Variants in ALK observed in about 807,000 individuals in gnomAD.
The protein encoded by ALK is ALK tyrosine kinase receptor.
Under a neutral mutation model 163.1 loss-of-function variants are expected in ALK, and 74 were observed. The ratio of observed to expected loss-of-function variants is 0.45; its 90% confidence interval spans 0.38 to 0.55. The LOEUF is 0.55. Among genes scored for constraint, ALK ranks in the 20% least tolerant of loss-of-function variants. The probability of loss-of-function intolerance (pLI) is 0.00; values close to 1 mark genes in which losing one functional copy is unlikely to be tolerated. For synonymous variants in ALK, 960 were observed against 843.2 expected, an observed-to-expected ratio of 1.14 and a Z score of -2.40; for missense variants, 2,063 against 2,105.3, an observed-to-expected ratio of 0.98 and a Z score of 0.39.
At chr2:29,209,680 T>G (rs1669410877) in intron 25 of ALK, 106 bp downstream of exon 25, 2 of 804,304 alleles carry the variant, frequency 2.5e-6, no homozygotes, top group Non-Finnish European at 4.1e-6. Flanking sequence ...GGTAGAAAGT[T>G]GACAGGGTAC....
intron 22 of ALK, 100 bp from the exon 23 acceptor site, chr2:29,220,935 A>G (rs1162237171): frequency 6.5e-7 from 1 of 1,529,528 alleles, no homozygotes. Context: ...TTCAGCAGCT[A>G]CAATGTATAA....
At chr2:29,811,909 G>T (rs1311572894) in intron 1 of ALK, among the ~76,000 whole-genome samples, 1 of 152,148 alleles carries the variant, frequency 6.6e-6, no homozygotes, top group Non-Finnish European at 1.5e-5. Flanking sequence ...CAAAGCTATG[G>T]CACAATTAGA....
chr2:29,413,318 T>C (rs971806958), intron 4 of ALK, among the ~76,000 whole-genome samples: 21 of 152,214 alleles, frequency 1.4e-4, no homozygotes, highest in East Asian at 5.8e-4. Context: ...AAAATAATAA[T>C]AAAAGTATAG....
intron 15 of ALK, among the ~76,000 whole-genome samples, chr2:29,231,330 C>T (rs1292613932): frequency 1.3e-5 from 2 of 152,096 alleles, no homozygotes; most frequent in Non-Finnish European, 2.9e-5. Flanking sequence ...AGCGAGACTC[C>T]GTCTCAAAAA....
intron 1 of ALK, among the ~76,000 whole-genome samples, chr2:29,755,465 C>G (rs969490280): frequency 1.3e-5 from 2 of 152,224 alleles, no homozygotes; most frequent in African/African-American, 4.8e-5. Context: ...CCTATTTCTG[C>G]AGACTATCTC....
intron 1 of ALK, among the ~76,000 whole-genome samples, chr2:29,895,616 G>A (rs1450175379): frequency 2.6e-5 from 4 of 152,204 alleles, no homozygotes; most frequent in African/African-American, 7.2e-5. Flanking sequence ...TTTTAAATGA[G>A]TGTTGCATGA....
chr2:29,324,473 A>C (rs1667187385), intron 6 of ALK, among the ~76,000 whole-genome samples: 1 of 152,182 alleles, frequency 6.6e-6, no homozygotes, highest in Non-Finnish European at 1.5e-5. Flanking sequence ...TCTTGTGTAC[A>C]TTTCTAGATT....
At chr2:29,587,303 C>T (rs543975786) in intron 3 of ALK, among the ~76,000 whole-genome samples, 4 of 152,212 alleles carry the variant, frequency 2.6e-5, no homozygotes, top group Non-Finnish European at 4.4e-5. Context: ...GTCCTGATCT[C>T]CCATACAAAT....
chr2:29,577,629 A>T (rs891637357), intron 3 of ALK, among the ~76,000 whole-genome samples: 1 of 146,570 alleles, frequency 6.8e-6, no homozygotes, highest in East Asian at 2.1e-4. Flanking sequence ...ATCACTGCCC[A>T]TCATGGGACC....
chr2:29,625,414 T>C (rs1364988913), intron 3 of ALK, among the ~76,000 whole-genome samples: 1 of 152,216 alleles, frequency 6.6e-6, no homozygotes. Flanking sequence ...AAATCAAATG[T>C]TACCATTTGC....
At chr2:29,433,561 T>C (rs1245767931) in intron 4 of ALK, among the ~76,000 whole-genome samples, 1 of 152,234 alleles carries the variant, frequency 6.6e-6, no homozygotes, top group Non-Finnish European at 1.5e-5. Context: ...AATGTATCTC[T>C]TTCCTCTTTA....
At chr2:29,431,612 C>T (rs1197255388) in intron 4 of ALK, among the ~76,000 whole-genome samples, 1 of 152,076 alleles carries the variant, frequency 6.6e-6, no homozygotes, top group Non-Finnish European at 1.5e-5. Flanking sequence ...ATATGTATAC[C>T]ATTGCCACTG....
At chr2:29,609,845 T>A (rs80324171) in intron 3 of ALK, among the ~76,000 whole-genome samples, 39 of 152,238 alleles carry the variant, frequency 2.6e-4, no homozygotes, top group African/African-American at 7.9e-4. Flanking sequence ...TCTCACTGTG[T>A]TGCCCAGGCT....
intron 1 of ALK, among the ~76,000 whole-genome samples, chr2:29,812,088 G>A (rs997434647): frequency 3.9e-5 from 6 of 152,132 alleles, no homozygotes; most frequent in Non-Finnish European, 5.9e-5. Flanking sequence ...GGAGGTTCCC[G>A]AAGGAAGGAC....
intron 3 of ALK, among the ~76,000 whole-genome samples, chr2:29,557,622 G>A (rs1252377750): frequency 6.6e-6 from 1 of 152,066 alleles, no homozygotes; most frequent in Non-Finnish European, 1.5e-5. Context: ...CCATTGATAG[G>A]TCAAGAAATA....
chr2:29,233,397 T>C (rs889691015), intron 14 of ALK, among the ~76,000 whole-genome samples, 168 bp downstream of exon 14: 1 of 152,180 alleles, frequency 6.6e-6, no homozygotes, highest in African/African-American at 2.4e-5. Context: ...CCTCCTGCCT[T>C]GGCCTCCCAA....
chr2:29,871,971 C>A (rs75758876), intron 1 of ALK, among the ~76,000 whole-genome samples: 431 of 152,292 alleles, frequency 2.8e-3, no homozygotes, highest in Non-Finnish European at 3.9e-3. Context: ...CCAAAGAAAC[C>A]AGGCAGCCCA....
chr2:29,485,197 A>G (rs1012443493), intron 4 of ALK, among the ~76,000 whole-genome samples: 1 of 152,114 alleles, frequency 6.6e-6, no homozygotes, highest in Non-Finnish European at 1.5e-5. Context: ...ATGTCTCTAA[A>G]CCACTTTTTC....
At chr2:29,741,217 T>A (rs72851972) in intron 1 of ALK, among the ~76,000 whole-genome samples, 3,772 of 152,170 alleles carry the variant, frequency 0.025, 153 homozygotes, top group African/African-American at 0.085. Flanking sequence ...GATAAATAGG[T>A]GGACCACAGA....
Sources: allele counts gnomAD v4.1 joint callset (sites outside exome capture counted in the v4.1 genomes callset), GRCh38; gene constraint gnomAD v4.1.1; transcripts MANE v1.5; gene names NCBI Gene and HGNC (gene_info 2026-07-23, HGNC 2026-07-21).